Variants in HIVEP3 observed in about 807,000 individuals in gnomAD.
The protein encoded by HIVEP3 is transcription factor HIVEP3.
A neutral mutation model predicts 152.8 loss-of-function variants in HIVEP3; 49 were observed. That is an observed-to-expected ratio of 0.32 (90% CI 0.26 to 0.41). HIVEP3 has a LOEUF of 0.41. Ranked by LOEUF, HIVEP3 falls within the 10% of genes least tolerant of loss-of-function variation. The pLI, the probability that HIVEP3 is intolerant of heterozygous loss-of-function variation, is 1.00. For synonymous variants in HIVEP3, 1,269 were observed against 1,289.0 expected (o/e 0.98, Z 0.33); for missense variants, 2,790 against 3,103.3 (o/e 0.90, Z 2.40).
chr1:41,803,179 T>C (rs1046059290), intron 1 of HIVEP3, among the ~76,000 whole-genome samples: 3 of 152,160 alleles, frequency 2.0e-5, no homozygotes, highest in Admixed American at 6.5e-5. Context: ...GCCTCAAAAA[T>C]AGAACAGACA....
intron 2 of HIVEP3, among the ~76,000 whole-genome samples, chr1:41,633,329 A>C (rs1469878806): frequency 6.6e-6 from 1 of 152,172 alleles, no homozygotes; most frequent in African/African-American, 2.4e-5. Context: ...ATCAGAGCGA[A>C]GCTAGCCTCA....
chr1:41,892,378 G>T (rs149355498), intron 1 of HIVEP3, among the ~76,000 whole-genome samples: 1 of 152,150 alleles, frequency 6.6e-6, no homozygotes, highest in Non-Finnish European at 1.5e-5. Context: ...CTTTGAGAGC[G>T]GAACTAGCAG....
chr1:41,777,442 C>T (rs1483451236), intron 1 of HIVEP3, among the ~76,000 whole-genome samples: 1 of 152,190 alleles, frequency 6.6e-6, no homozygotes. Context: ...CTCCAGGCCT[C>T]ATGGGGCAGA....
chr1:41,581,543 C>T lies in HIVEP3; in HGVS notation c.3255G>A (p.Leu1085=). ...AGGTGGCCGCAGAGGAAATCTGGGA[C>T]AATGAGCTTTTGGCAGAGGGTTTAC... ...SSSKPSAKSS[L]SQISSAATSH... is the part of the protein sequence containing the mutation. The change falls in exon 4 of 9, where the codon TTG becomes TTA. Residue 1085 remains leucine (L), a synonymous_variant. Coordinates refer to ENST00000372583, the MANE Select transcript of HIVEP3 (RefSeq NM_024503.5). The surrounding 1 kb of genome is among the most constrained non-coding windows in gnomAD (Gnocchi z 4.5). 6.2e-7 allele frequency: 1 copy of T among 1,600,900 alleles called. No homozygotes were observed. The highest frequency in any genetic ancestry group is 8.5e-7 in the Non-Finnish European group (1 of 1,173,616).
At chr1:41,649,063 G>A (rs912384727) in intron 2 of HIVEP3, among the ~76,000 whole-genome samples, 3 of 152,182 alleles carry the variant, frequency 2.0e-5, no homozygotes, top group Middle Eastern at 3.2e-3. Context: ...TTAGGATCAC[G>A]GGTAACAGAG....
intron 3 of HIVEP3, among the ~76,000 whole-genome samples, chr1:41,600,021 A>G (rs1644722840): frequency 6.6e-6 from 1 of 152,152 alleles, no homozygotes; most frequent in South Asian, 2.1e-4. Flanking sequence ...CGAAGATACC[A>G]CCTCACACAC....
At chr1:41,840,611 C>A (rs1387723683) in intron 1 of HIVEP3, among the ~76,000 whole-genome samples, 2 of 152,216 alleles carry the variant, frequency 1.3e-5, no homozygotes, top group Non-Finnish European at 2.9e-5. Context: ...GAAATTAATA[C>A]AGGACCCCAT....
chr1:41,553,266 CT>C (rs1442119700), intron 5 of HIVEP3, among the ~76,000 whole-genome samples: 3 of 152,152 alleles, frequency 2.0e-5, no homozygotes, highest in African/African-American at 7.2e-5. Flanking sequence ...CCTTCTTTGT[CT>C]CTTTTGATCT....
At chr1:41,973,968 C>G (rs1042343931) in intron 1 of HIVEP3, among the ~76,000 whole-genome samples, 1 of 152,124 alleles carries the variant, frequency 6.6e-6, no homozygotes, top group African/African-American at 2.4e-5. Context: ...CCAGATTATG[C>G]GTGCAGGACA....
chr1:41,605,600 T>C (rs927937475), intron 3 of HIVEP3, among the ~76,000 whole-genome samples: 2 of 151,678 alleles, frequency 1.3e-5, no homozygotes, highest in African/African-American at 4.8e-5. Flanking sequence ...TAGAAACAGG[T>C]TCCCAGTACA....
At chr1:41,865,485 A>T (rs1643952655) in intron 1 of HIVEP3, 1 of 152,314 alleles carries the variant, frequency 6.6e-6, no homozygotes, top group Non-Finnish European at 1.5e-5. Context: ...CCCACACTGC[A>T]GGCTGATGGA....
intron 1 of HIVEP3, among the ~76,000 whole-genome samples, chr1:41,744,048 T>G (rs528354203): frequency 6.1e-5 from 7 of 115,048 alleles, no homozygotes; most frequent in Admixed American, 4.6e-4. Context: ...CATTTTTTTG[T>G]TTTTTTTTTG....
intron 1 of HIVEP3, among the ~76,000 whole-genome samples, chr1:41,866,519 C>T (rs773013733): frequency 1.3e-5 from 2 of 150,074 alleles, no homozygotes; most frequent in Non-Finnish European, 3.0e-5. Flanking sequence ...GACCTGGCTG[C>T]TCCCTGTGGG....
Position 41,580,704 on chromosome 1 carries a change from C to T in HIVEP3, c.4094G>A (p.Gly1365Glu). 2 of 1,600,756 alleles carry T rather than the reference C, an allele frequency of 1.2e-6. No individual in the cohort carries two copies. Among genetic ancestry groups the T allele is most frequent in the South Asian group, 1.1e-5 (1 of 88,540 alleles). Residue 1365 changes from glycine to glutamate, a missense_variant, in exon 4 of 9, where the codon GGG becomes GAG. Around this residue, in one of 9 missense-constraint regions of HIVEP3, gnomAD observed 1,078 missense variants for 1,165.3 expected, o/e 0.93. Coordinates refer to ENST00000372583, the MANE Select transcript of HIVEP3 (RefSeq NM_024503.5). ...CACATCTGCACCACATACAGTCGTC[C>T]CCTTTGATGGGGGTTCCTCAAACTT... ...LPKFEEPPSK[G>E]TTVCGADVHE...
intron 2 of HIVEP3, among the ~76,000 whole-genome samples, chr1:41,658,576 C>A (rs1302431349): frequency 7.2e-6 from 1 of 138,830 alleles, no homozygotes; most frequent in Non-Finnish European, 1.6e-5. Flanking sequence ...TCTCACTTCA[C>A]CCCCCCCATG....
intron 1 of HIVEP3, among the ~76,000 whole-genome samples, chr1:41,956,091 C>T (rs944166544): frequency 2.0e-5 from 3 of 152,218 alleles, no homozygotes; most frequent in Admixed American, 6.5e-5. Context: ...GGTGCTAACA[C>T]CACAAGTGTC....
At chr1:41,778,925 A>G (rs963282510) in intron 1 of HIVEP3, among the ~76,000 whole-genome samples, 3 of 152,204 alleles carry the variant, frequency 2.0e-5, no homozygotes, top group African/African-American at 7.2e-5. Flanking sequence ...CCAGGCATGT[A>G]TCTGAGGGAA....
chr1:41,771,490 G>A (rs1648365653), intron 1 of HIVEP3, among the ~76,000 whole-genome samples: 1 of 152,168 alleles, frequency 6.6e-6, no homozygotes, highest in African/African-American at 2.4e-5. Flanking sequence ...AAGCAGTTTA[G>A]GTTGACCTCT....
intron 1 of HIVEP3, among the ~76,000 whole-genome samples, chr1:41,726,022 T>C (rs1646747165): frequency 6.6e-6 from 1 of 152,242 alleles, no homozygotes; most frequent in African/African-American, 2.4e-5. Context: ...ATCAGGAACC[T>C]TGGCAAGGTG....
Sources: gnomAD v4.1 joint callset for allele counts (sites outside exome capture counted in the v4.1 genomes callset) on GRCh38, gnomAD v4.1.1 for gene constraint, gnomAD v4.1.1 regional missense constraint, Gnocchi (gnomAD v3.1) non-coding constraint, MANE v1.5 for transcripts, NCBI Gene and HGNC (gene_info 2026-07-23, HGNC 2026-07-21) for gene names.